Variants in ESRRG observed in about 807,000 individuals in gnomAD.
The protein encoded by ESRRG is estrogen related receptor gamma.
In ESRRG, 13 loss-of-function variants were observed where a neutral mutation model predicts 44.0. The observed-to-expected ratio is 0.30, with a 90% CI of 0.19 to 0.47. ESRRG has a LOEUF of 0.47. ESRRG is among the 20% of genes least tolerant of loss of function. The pLI is 1.00. For synonymous variants in ESRRG, 215 were observed against 214.6 expected (o/e 1.00, Z -0.02); for missense variants, 395 against 580.6 (o/e 0.68, Z 3.29).
chr1:216,789,969 A>C (rs540762067), intron 2 of ESRRG, among the ~76,000 whole-genome samples: 2 of 152,112 alleles, frequency 1.3e-5, no homozygotes, highest in African/African-American at 4.8e-5. Context: ...AGCTCCTACC[A>C]ATGAATTATG....
At position 216,615,091 on chromosome 1, in the gene ESRRG, G is replaced by A. The variant is rs865855458; in HGVS notation, c.589+35882C>T. 5.3e-5 allele frequency among the ~76,000 whole-genome samples: 8 copies of A among 152,290 alleles called. No homozygotes were observed. In the South Asian group the frequency reaches 6.2e-4, roughly 12 times the overall value. ...TTTAACTACTAGAATGGCAGGGAGAGTTGATTCTCTTATGCCTCCACTCTA... is the reference window on the plus strand; with the variant it reads ...TTTAACTACTAGAATGGCAGGGAGAATTGATTCTCTTATGCCTCCACTCTA... On this transcript the variant is annotated intron_variant, in intron 3 of 6. Transcript: ENST00000408911.
chr1:216,564,765 C>A (rs1037021815), intron 4 of ESRRG, among the ~76,000 whole-genome samples: 1 of 151,992 alleles, frequency 6.6e-6, no homozygotes, highest in African/African-American at 2.4e-5. Flanking sequence ...TAAAATAAAA[C>A]CCCCAGTAAA....
At chr1:216,523,617 T>A (rs1442502260) in intron 5 of ESRRG, among the ~76,000 whole-genome samples, 2 of 151,012 alleles carry the variant, frequency 1.3e-5, no homozygotes, top group African/African-American at 4.9e-5. Context: ...TCTTCAAAAA[T>A]ACACTTTCAT....
intron 2 of ESRRG, among the ~76,000 whole-genome samples, chr1:216,867,509 A>G (rs1038331565): frequency 2.6e-5 from 4 of 152,162 alleles, no homozygotes; most frequent in Non-Finnish European, 5.9e-5. Context: ...TTAAGATAAC[A>G]TATCTTTGTG....
intron 1 of ESRRG, among the ~76,000 whole-genome samples, chr1:216,677,834 C>T (rs1258276978): frequency 6.6e-6 from 1 of 152,116 alleles, no homozygotes; most frequent in East Asian, 1.9e-4. Flanking sequence ...TCTTGGAGAA[C>T]CAGTGTCAAT....
chr1:216,755,085 C>T (rs141409853), intron 2 of ESRRG, among the ~76,000 whole-genome samples: 78 of 152,056 alleles, frequency 5.1e-4, no homozygotes, highest in African/African-American at 1.7e-3. Flanking sequence ...AAAGGGGCTG[C>T]ATAGCGGATA....
At chr1:216,607,240 C>A (rs2060053322) in intron 3 of ESRRG, among the ~76,000 whole-genome samples, 1 of 152,142 alleles carries the variant, frequency 6.6e-6, no homozygotes, top group Non-Finnish European at 1.5e-5. Context: ...TGACCCTGGC[C>A]TGGAGAAAAG....
rs1490184390 is a variant in ESRRG, at chr1:216,731,807, TA to T, written c.-13-54317del. Reference sequence around the variant, plus strand: ...GGGCTGTTATCTCACCTACAGTTTGTAACTAAGTGCACAGCTATTTGGATAA... The same window carrying T: ...GGGCTGTTATCTCACCTACAGTTTGTACTAAGTGCACAGCTATTTGGATAA... On this transcript the variant is annotated intron_variant, in intron 2 of 7. Transcript: ENST00000359162. 2.0e-5 allele frequency among the ~76,000 whole-genome samples: 3 copies of T among 152,354 alleles called. No homozygotes were observed. In the South Asian group the frequency reaches 6.2e-4, roughly 32 times the overall value.
intron 1 of ESRRG, among the ~76,000 whole-genome samples, chr1:217,131,037 A>G (rs1420995600): frequency 6.6e-6 from 1 of 152,242 alleles, no homozygotes; most frequent in Non-Finnish European, 1.5e-5. Context: ...GTTGAAAACA[A>G]TCTCATTTAA....
chr1:216,738,008 T>C (rs2152200211), intron 2 of ESRRG, among the ~76,000 whole-genome samples: 1 of 151,062 alleles, frequency 6.6e-6, no homozygotes, highest in Non-Finnish European at 1.5e-5. Context: ...TTTTTTTTTT[T>C]TTTTTTTTGG....
intron 2 of ESRRG, among the ~76,000 whole-genome samples, chr1:216,893,531 CTA>C: frequency 6.6e-6 from 1 of 152,120 alleles, no homozygotes; most frequent in Non-Finnish European, 1.5e-5. Flanking sequence ...ATCCAGTTGT[CTA>C]TGTCATTTGT....
chr1:216,557,042 A>T (rs550365989), intron 5 of ESRRG, among the ~76,000 whole-genome samples: 1 of 152,286 alleles, frequency 6.6e-6, no homozygotes, highest in East Asian at 1.9e-4. Context: ...TTGCCCAGTG[A>T]TCTGAAGAGA....
rs185864271 is a variant in ESRRG at position 216,974,344 on chromosome 1, A to G, written c.-105-34671T>C. ...CCAAATATCACATATATCCCAAAAT[A>G]CATGCAACTATTATATATCTTTTTT... is the stretch of plus-strand genomic sequence containing the variant. On this transcript the variant is annotated intron_variant, in intron 1 of 7. Coordinates refer to the ESRRG transcript ENST00000359162. Among the ~76,000 whole-genome samples the G allele has an allele frequency of 1.6e-4, 24 of 152,278 alleles. No homozygotes were observed. The East Asian group carries it at 4.6e-3, about 29-fold the overall frequency.
chr1:216,551,234 TATAGTAGGCTCTTA>T (rs2056240587), intron 5 of ESRRG, among the ~76,000 whole-genome samples: 1 of 152,200 alleles, frequency 6.6e-6, no homozygotes, highest in Admixed American at 6.5e-5. Context: ...AAGCTTATCA[TATAGTAGGCTCTTA>T]ATATATACTT....
chr1:216,571,458 CAAACAAACATA>C (rs1380179713), intron 3 of ESRRG, among the ~76,000 whole-genome samples: 1 of 151,924 alleles, frequency 6.6e-6, no homozygotes, highest in African/African-American at 2.4e-5. Context: ...AACAAACAAA[CAAACAAACATA>C]AAACAAACAA....
intron 2 of ESRRG, among the ~76,000 whole-genome samples, chr1:216,845,615 C>T (rs7518028): frequency 0.034 from 5,101 of 152,152 alleles, 296 homozygotes; most frequent in African/African-American, 0.11. Flanking sequence ...ACTGTTTTAT[C>T]CCCTCTAGAC....
At chr1:216,891,464 G>A (rs796745800) in intron 2 of ESRRG, among the ~76,000 whole-genome samples, 13 of 152,298 alleles carry the variant, frequency 8.5e-5, no homozygotes, top group East Asian at 1.9e-4. Context: ...ACATGCACAC[G>A]CACACATACG....
Position 216,897,736 on chromosome 1 carries a change from A to C in ESRRG, c.-14+41846T>G, listed in dbSNP as rs187784722. On this transcript the variant is annotated intron_variant, in intron 2 of 7. Transcript: ENST00000359162. Reference sequence around the variant, plus strand: ...TGGTAGGGTTCAATTGCCTCAGTTCAATTTTAGGAAAACTGGCAATCATTT... The same window carrying C: ...TGGTAGGGTTCAATTGCCTCAGTTCCATTTTAGGAAAACTGGCAATCATTT... Among the ~76,000 whole-genome samples, 533 of 152,254 alleles carry C rather than the reference A, an allele frequency of 3.5e-3. 2 individuals carry two copies. The highest frequency in any genetic ancestry group is 5.0e-3 in the Non-Finnish European group (337 of 68,022).
chr1:216,832,225 A>T (rs2095498432), intron 2 of ESRRG, among the ~76,000 whole-genome samples: 1 of 152,180 alleles, frequency 6.6e-6, no homozygotes, highest in Non-Finnish European at 1.5e-5. Flanking sequence ...CTTCATCTTT[A>T]CTCAGCAACA....
Sources: gnomAD v4.1 joint callset for allele counts (sites outside exome capture counted in the v4.1 genomes callset) on GRCh38, gnomAD v4.1.1 for gene constraint, MANE v1.5 for transcripts, NCBI Gene and HGNC (gene_info 2026-07-23, HGNC 2026-07-21) for gene names.